RBFOX1: variants seen among roughly 807,000 people sequenced by gnomAD.
The protein encoded by RBFOX1 is RNA binding fox-1 homolog 1, also known as RNA binding protein fox-1 homolog 1.
A neutral mutation model predicts 57.7 loss-of-function variants in RBFOX1; 8 were observed. That is an observed-to-expected ratio of 0.14 (90% CI 0.08 to 0.25). The LOEUF (loss-of-function observed/expected upper bound fraction) is 0.25. RBFOX1 is among the 10% of genes least tolerant of loss of function. The pLI is 1.00. For missense variants in RBFOX1, 611 were observed against 548.5 expected (o/e 1.11, Z -1.14); for synonymous variants, 326 against 222.4 (o/e 1.47, Z -4.15).
At position 7,687,770 on chromosome 16, in the gene RBFOX1, A is replaced by G. The variant is rs1464476993; in HGVS notation, c.995+10932A>G. Reference sequence around the variant, plus strand: ...ATTAAAATATTAAGTATAAAATGTTAAAAATCAACACTAGTGCAATTTAAA... The same window carrying G: ...ATTAAAATATTAAGTATAAAATGTTGAAAATCAACACTAGTGCAATTTAAA... On this transcript the variant is annotated intron_variant, in intron 14 of 15. Transcript: ENST00000550418. 2.0e-5 allele frequency among the ~76,000 whole-genome samples: 3 copies of G among 152,212 alleles called. No homozygotes were observed. The East Asian group carries it at 5.8e-4, about 29-fold the overall frequency.
intron 3 of RBFOX1, among the ~76,000 whole-genome samples, chr16:6,686,103 C>T (rs780837754): frequency 2.4e-4 from 36 of 152,132 alleles, no homozygotes; most frequent in Non-Finnish European, 3.4e-4. Flanking sequence ...TCATTTCAAC[C>T]GTGCAGCAGC....
chr16:6,119,457 T>C (rs1012926657), intron 1 of RBFOX1, among the ~76,000 whole-genome samples: 7 of 152,180 alleles, frequency 4.6e-5, no homozygotes, highest in Non-Finnish European at 1.0e-4. Context: ...TTCTTCATGG[T>C]AAGATTGTTT....
intron 2 of RBFOX1, among the ~76,000 whole-genome samples, chr16:6,536,624 A>G (rs2096739125): frequency 6.6e-6 from 1 of 152,080 alleles, no homozygotes; most frequent in Non-Finnish European, 1.5e-5. Flanking sequence ...AGTTGGCAGC[A>G]AACAGAAGTG....
chr16:5,792,609 G>A (rs1036566490), intron 3 of RBFOX1, among the ~76,000 whole-genome samples: 9 of 152,216 alleles, frequency 5.9e-5, no homozygotes, highest in Non-Finnish European at 1.3e-4. Flanking sequence ...TTGGGAGGCT[G>A]AGGTGGGTGG....
intron 3 of RBFOX1, among the ~76,000 whole-genome samples, chr16:5,666,309 A>G (rs1017108137): frequency 2.6e-5 from 4 of 152,172 alleles, no homozygotes; most frequent in Non-Finnish European, 4.4e-5. Flanking sequence ...CTTTTCTTCA[A>G]CATTGGTACT....
Position 6,611,192 on chromosome 16 carries a change from G to A in RBFOX1, c.-63-43411G>A, listed in dbSNP as rs146972799. On this transcript the variant is annotated intron_variant, in intron 2 of 15. Transcript: ENST00000550418. ...GGGACGAAGTCTCTCTGTCACCCAG[G>A]CTGGAGTATAATGGTGCAATCTAGG... Among the ~76,000 whole-genome samples, 690 of 152,274 alleles carry A rather than the reference G, an allele frequency of 4.5e-3. 4 individuals carry two copies. The highest frequency in any genetic ancestry group is 6.6e-3 in the Non-Finnish European group (449 of 68,024).
chr16:6,422,932 G>A (rs1223690578), intron 2 of RBFOX1, among the ~76,000 whole-genome samples: 1 of 152,268 alleles, frequency 6.6e-6, no homozygotes, highest in African/African-American at 2.4e-5. Flanking sequence ...CTGTTCCTAG[G>A]TTAATTCACT....
At chr16:6,994,654 C>T (rs2091990455) in intron 3 of RBFOX1, among the ~76,000 whole-genome samples, 3 of 152,292 alleles carry the variant, frequency 2.0e-5, no homozygotes, top group Admixed American at 2.0e-4. Flanking sequence ...AAGTGCCATC[C>T]ACTTAATCTC....
chr16:6,892,818 CTCTCTCTCTA>C (rs1233704839), intron 3 of RBFOX1, among the ~76,000 whole-genome samples: 10 of 108,256 alleles, frequency 9.2e-5, no homozygotes, highest in South Asian at 3.0e-4. Flanking sequence ...CTCTCTCTCT[CTCTCTCTCTA>C]TTCTGCTTCA....
chr16:5,830,063 A>G (rs565048556), intron 3 of RBFOX1, among the ~76,000 whole-genome samples: 87 of 152,302 alleles, frequency 5.7e-4, no homozygotes, highest in African/African-American at 2.0e-3. Context: ...TTAAAACACC[A>G]CACTGCCACT....
At chr16:5,349,051 C>T (rs1339521095) in intron 1 of RBFOX1, among the ~76,000 whole-genome samples, 2 of 152,168 alleles carry the variant, frequency 1.3e-5, no homozygotes, top group Non-Finnish European at 2.9e-5. Flanking sequence ...TGCAGGGGCT[C>T]CAATTTCTCC....
rs183036333 is a variant in RBFOX1 at position 6,884,137 on chromosome 16, G to T, written c.-15-167920G>T. ...AGAGAGGCATCTGATGCTCGACCGA[G>T]CAGAGCTACTGCAGACAGAAGCTGC... On this transcript the variant is annotated intron_variant, in intron 3 of 15. Coordinates refer to ENST00000550418, the MANE Select transcript of RBFOX1 (RefSeq NM_018723.4). Among the ~76,000 whole-genome samples, 3 of 152,318 alleles carry T rather than the reference G, an allele frequency of 2.0e-5. No individual in the cohort carries two copies. The East Asian group carries it at 5.8e-4, about 29-fold the overall frequency.
intron 3 of RBFOX1, among the ~76,000 whole-genome samples, chr16:6,957,470 A>G (rs1000221921): frequency 1.3e-5 from 2 of 152,168 alleles, no homozygotes; most frequent in African/African-American, 2.4e-5. Context: ...GTTAGACCAT[A>G]TAGGGTAACT....
rs182526192 is a variant in RBFOX1 at position 6,831,100 on chromosome 16, C to G, written c.-16+176450C>G. Among the ~76,000 whole-genome samples, 9 of 152,306 alleles carry G rather than the reference C, an allele frequency of 5.9e-5. No individual in the cohort carries two copies. The East Asian group carries it at 1.5e-3, about 26-fold the overall frequency. On this transcript the variant is annotated intron_variant, in intron 3 of 15. Transcript: ENST00000550418. Reference sequence around the variant, plus strand: ...CATCTAAAGTAAAGCTGGATAGATTCATACTACTCCATTATCACTAAGGTT... The same window carrying G: ...CATCTAAAGTAAAGCTGGATAGATTGATACTACTCCATTATCACTAAGGTT...
chr16:6,527,982 A>G (rs950967682), intron 2 of RBFOX1, among the ~76,000 whole-genome samples: 5 of 151,972 alleles, frequency 3.3e-5, no homozygotes, highest in African/African-American at 1.2e-4. Flanking sequence ...TTCATGTTTC[A>G]TGCTCTCCTT....
chr16:7,255,340 G>C (rs1248235773), intron 4 of RBFOX1, among the ~76,000 whole-genome samples: 1 of 152,170 alleles, frequency 6.6e-6, no homozygotes, highest in African/African-American at 2.4e-5. Context: ...TCGTTAAAAG[G>C]ATGTTAATTG....
At chr16:5,940,261 C>G (rs903967685) in intron 4 of RBFOX1, among the ~76,000 whole-genome samples, 1 of 152,156 alleles carries the variant, frequency 6.6e-6, no homozygotes, top group Non-Finnish European at 1.5e-5. Context: ...ACTTCTGAGT[C>G]GCATCTTCCA....
chr16:5,332,415 C>T (rs2064780569), intron 1 of RBFOX1, among the ~76,000 whole-genome samples: 1 of 151,944 alleles, frequency 6.6e-6, no homozygotes, highest in Non-Finnish European at 1.5e-5. Context: ...GTACATGCCA[C>T]CATGCCCAGC....
intron 1 of RBFOX1, among the ~76,000 whole-genome samples, chr16:6,211,190 T>TATTC (rs1410781441): frequency 3.4e-5 from 5 of 148,448 alleles, no homozygotes; most frequent in Non-Finnish European, 6.0e-5. Context: ...TTCTTCTTCT[T>TATTC]TTTTTTTTTT....
Sources: gnomAD v4.1 joint callset for allele counts (sites outside exome capture counted in the v4.1 genomes callset) on GRCh38, gnomAD v4.1.1 for gene constraint, MANE v1.5 for transcripts, NCBI Gene and HGNC (gene_info 2026-07-23, HGNC 2026-07-21) for gene names.